PLCB4: variants seen among roughly 807,000 people sequenced by gnomAD.
The protein encoded by PLCB4 is 1-phosphatidylinositol 4,5-bisphosphate phosphodiesterase beta-4.
A neutral mutation model predicts 178.8 loss-of-function variants in PLCB4; 77 were observed. That is an observed-to-expected ratio of 0.43 (90% CI 0.36 to 0.52). The LOEUF (loss-of-function observed/expected upper bound fraction) is 0.52. Ranked by LOEUF, PLCB4 falls within the 20% of genes least tolerant of loss-of-function variation. The probability of loss-of-function intolerance (pLI) is 0.00; values close to 1 mark genes in which losing one functional copy is unlikely to be tolerated. For synonymous variants in PLCB4, 496 were observed against 490.8 expected (o/e 1.01, Z -0.14); for missense variants, 1,024 against 1,453.4 (o/e 0.70, Z 4.80).
At chr20:9,377,743 C>T (rs1260319834) in intron 12 of PLCB4, among the ~76,000 whole-genome samples, 1 of 152,198 alleles carries the variant, frequency 6.6e-6, no homozygotes, top group Non-Finnish European at 1.5e-5. Context: ...GTCATACCCT[C>T]TGACTAAATT....
intron 2 of PLCB4, among the ~76,000 whole-genome samples, chr20:9,212,463 C>T (rs2093683448): frequency 6.6e-6 from 1 of 152,158 alleles, no homozygotes; most frequent in South Asian, 2.1e-4. Context: ...CTAAAACAGG[C>T]ATGGCAATGT....
chr20:9,305,043 C>T (rs377008869), intron 3 of PLCB4, among the ~76,000 whole-genome samples: 1 of 117,926 alleles, frequency 8.5e-6, no homozygotes, highest in East Asian at 3.1e-4. Context: ...CCCCCTCCCC[C>T]CAACATCCCT....
intron 3 of PLCB4, among the ~76,000 whole-genome samples, chr20:9,266,147 G>A (rs144592759): frequency 1.3e-3 from 200 of 152,296 alleles, no homozygotes; most frequent in African/African-American, 4.6e-3. Context: ...GAAATCTACA[G>A]CCTTGCTATA....
chr20:9,191,407 G>C (rs2093402540), intron 2 of PLCB4, among the ~76,000 whole-genome samples: 1 of 146,506 alleles, frequency 6.8e-6, no homozygotes, highest in Non-Finnish European at 1.5e-5. Flanking sequence ...GTGTTCAAGG[G>C]GCCCTCTTAG....
chr20:9,342,330 T>G (rs1476229801), intron 7 of PLCB4, among the ~76,000 whole-genome samples: 1 of 152,178 alleles, frequency 6.6e-6, no homozygotes, highest in East Asian at 1.9e-4. Flanking sequence ...ATGTAGAGAT[T>G]TCCCAGGGTA....
intron 2 of PLCB4, among the ~76,000 whole-genome samples, chr20:9,142,913 T>C (rs1416036438): frequency 6.6e-6 from 1 of 152,192 alleles, no homozygotes; most frequent in Non-Finnish European, 1.5e-5. Context: ...TTCCTCTTAA[T>C]CTCTGACTTC....
intron 3 of PLCB4, among the ~76,000 whole-genome samples, chr20:9,286,417 A>C (rs1456339870): frequency 1.3e-5 from 2 of 151,998 alleles, no homozygotes; most frequent in African/African-American, 4.8e-5. Flanking sequence ...GAAGGTAATA[A>C]TTAGGGAAGG....
chr20:9,413,824 AAACGTGGCTCATTGAG>A (rs1602501779), intron 25 of PLCB4, among the ~76,000 whole-genome samples: 1 of 152,272 alleles, frequency 6.6e-6, no homozygotes, highest in East Asian at 1.9e-4. Flanking sequence ...GCAGTGGTGC[AAACGTGGCTCATTGAG>A]GCCTTGACAT....
At chr20:9,259,491 T>G (rs1012556446) in intron 3 of PLCB4, among the ~76,000 whole-genome samples, 8 of 152,012 alleles carry the variant, frequency 5.3e-5, no homozygotes, top group African/African-American at 1.9e-4. Context: ...GAGAGAGGAT[T>G]TAAGAGAAAC....
chr20:9,333,537 A>G (rs1051251758), intron 4 of PLCB4, among the ~76,000 whole-genome samples: 1 of 152,206 alleles, frequency 6.6e-6, no homozygotes, highest in Non-Finnish European at 1.5e-5. Flanking sequence ...TAAAATTTGA[A>G]GGATCCCAGA....
rs79479334 is a variant in PLCB4 at position 9,164,830 on chromosome 20, G to A, written c.-78-52560G>A. Among the ~76,000 whole-genome samples, 583 of 152,250 alleles carry A rather than the reference G, an allele frequency of 3.8e-3. 1 individual carries two copies. The highest frequency in any genetic ancestry group is 0.014 in the African/African-American group (564 of 41,564). On this transcript the variant is annotated intron_variant, in intron 2 of 39. Transcript: ENST00000378473. The stretch of plus-strand genomic sequence containing the variant: ...CTGTCAGGAGATTTCTGGGGAGGTG[G>A]AGGGAACTGCAGGATGCTAGGACTT...
rs1443230179 is a variant in PLCB4 at position 9,254,307 on chromosome 20, G to A, written c.-16+36855G>A. Among the ~76,000 whole-genome samples, 3 of 152,212 alleles carry A rather than the reference G, an allele frequency of 2.0e-5. No homozygotes were observed. The East Asian group carries it at 5.8e-4, about 29-fold the overall frequency. On this transcript the variant is annotated intron_variant, in intron 3 of 39. Transcript: ENST00000378473. ...TCTTCAGCTTACATTTGAAAATGAA[G>A]TTCCTGTTTTAAGTGTATAAATCCT...
chr20:9,129,271 C>G (rs931371361), intron 2 of PLCB4, among the ~76,000 whole-genome samples: 1 of 152,184 alleles, frequency 6.6e-6, no homozygotes, highest in African/African-American at 2.4e-5. Context: ...GCCGAAAAGT[C>G]AGTCCCCCTC....
chr20:9,252,998 G>A (rs1206022768), intron 3 of PLCB4, among the ~76,000 whole-genome samples: 1 of 152,142 alleles, frequency 6.6e-6, no homozygotes, highest in Non-Finnish European at 1.5e-5. Flanking sequence ...GATCATGTGA[G>A]CCAATCAGTC....
intron 3 of PLCB4, among the ~76,000 whole-genome samples, chr20:9,284,798 TA>T (rs1313407560): frequency 6.6e-6 from 1 of 152,002 alleles, no homozygotes; most frequent in Non-Finnish European, 1.5e-5. Flanking sequence ...TATAATCGTT[TA>T]AAAAAACATG....
intron 7 of PLCB4, among the ~76,000 whole-genome samples, chr20:9,344,821 G>A (rs951026718): frequency 3.3e-5 from 5 of 152,230 alleles, no homozygotes; most frequent in African/African-American, 1.2e-4. Flanking sequence ...GGATCATTAT[G>A]TCCTGCTTAC....
intron 32 of PLCB4, among the ~76,000 whole-genome samples, chr20:9,445,524 G>A (rs1277711972): frequency 6.6e-6 from 1 of 152,138 alleles, no homozygotes; most frequent in Middle Eastern, 3.2e-3. Context: ...TTTTTGAGAA[G>A]TCATTTCTTT....
chr20:9,467,936 A>G (rs2043906769), intron 35 of PLCB4, among the ~76,000 whole-genome samples: 1 of 152,176 alleles, frequency 6.6e-6, no homozygotes, highest in African/African-American at 2.4e-5. Flanking sequence ...ATGCATACAC[A>G]TGCATTCCCA....
rs147206596 is a variant in PLCB4 at position 9,441,325 on chromosome 20, A to C, written c.2765-2656A>C. Among the ~76,000 whole-genome samples, 53 of 152,250 alleles carry C rather than the reference A, an allele frequency of 3.5e-4. 1 individual carries two copies. In the East Asian group the frequency reaches 9.7e-3, roughly 28 times the overall value. On this transcript the variant is annotated intron_variant, in intron 30 of 39. Transcript: ENST00000378473. ...ATAGGTGTTCTTCCCACGCCTCTCCATGGATTGGGGTGGGGTGGGGAATAA... is the reference window on the plus strand; with the variant it reads ...ATAGGTGTTCTTCCCACGCCTCTCCCTGGATTGGGGTGGGGTGGGGAATAA...
Sources: allele counts gnomAD v4.1 joint callset (sites outside exome capture counted in the v4.1 genomes callset), GRCh38; gene constraint gnomAD v4.1.1; transcripts MANE v1.5; gene names NCBI Gene and HGNC (gene_info 2026-07-23, HGNC 2026-07-21).